Variants in UNC5A observed in about 807,000 individuals in gnomAD.
The protein encoded by UNC5A is unc-5 netrin receptor A, also known as netrin receptor UNC5A.
A neutral mutation model predicts 87.4 loss-of-function variants in UNC5A; 20 were observed. The observed-to-expected ratio is 0.23, with a 90% CI of 0.16 to 0.33. UNC5A has a LOEUF of 0.33. UNC5A is among the 10% of genes least tolerant of loss of function. The pLI is 1.00. For missense variants in UNC5A, 844 were observed against 1,133.4 expected (o/e 0.74, Z 3.67); for synonymous variants, 438 against 482.3 (o/e 0.91, Z 1.20).
rs1161609508 is a variant in UNC5A at position 176,877,534 on chromosome 5, G to A, written c.1467-1G>A. On this transcript the variant is annotated splice_acceptor_variant, in intron 9 of 14. Transcript: ENST00000329542. LOFTEE classifies it high-confidence loss of function. ...TCCCCACCCATATTTCCCCACTTGAGGTTGCCCCTAGCTGGCTGTCAGACC... is the reference window on the plus strand; with the variant it reads ...TCCCCACCCATATTTCCCCACTTGAAGTTGCCCCTAGCTGGCTGTCAGACC... The A allele has an allele frequency of 6.3e-7, 1 of 1,587,214 alleles. No homozygotes were observed. Among genetic ancestry groups the A allele is most frequent in the Admixed American group, 1.7e-5 (1 of 57,864 alleles).
Position 176,877,884 on chromosome 5 carries a change from C to T in UNC5A, c.1636-10C>T. The T allele has an allele frequency of 6.3e-7, 1 of 1,596,378 alleles. No individual in the cohort carries two copies. Among genetic ancestry groups the T allele is most frequent in the Middle Eastern group, 1.7e-4 (1 of 5,978 alleles). ...CTGGGCCGAATTGACCCACTGACCC[C>T]TGCCCACAGGATGTGCTGCACCTGG... On this transcript the variant is annotated splice_polypyrimidine_tract_variant and intron_variant, in intron 10 of 14. Transcript: ENST00000329542.
intron 1 of UNC5A, among the ~76,000 whole-genome samples, chr5:176,845,576 C>A (rs571594363): frequency 1.1e-3 from 160 of 152,340 alleles, no homozygotes; most frequent in Non-Finnish European, 1.8e-3. Flanking sequence ...ACAGAGCAAG[C>A]CTTCCAGAAA....
intron 2 of UNC5A, among the ~76,000 whole-genome samples, chr5:176,863,291 G>A (rs1457975619): frequency 2.0e-5 from 3 of 152,216 alleles, no homozygotes; most frequent in Non-Finnish European, 4.4e-5. Flanking sequence ...CCCAGGCAGG[G>A]GACACAGCCC....
chr5:176,850,663 C>G (rs1023043430), intron 1 of UNC5A, among the ~76,000 whole-genome samples: 18 of 152,302 alleles, frequency 1.2e-4, no homozygotes, highest in African/African-American at 4.1e-4. Flanking sequence ...CAAGGAGTGG[C>G]TGCATGTGCT....
At chr5:176,812,664 G>A (rs1756487784) in intron 1 of UNC5A, among the ~76,000 whole-genome samples, 1 of 152,186 alleles carries the variant, frequency 6.6e-6, no homozygotes, top group South Asian at 2.1e-4. Context: ...CTGGTTGGCA[G>A]GGCATCTGTT....
rs199988071 is a variant in UNC5A, at chr5:176,878,469, C to T, written c.2020-6C>T. Reference sequence around the variant, plus strand: ...ACCTGACACCTCCTCTCTGCATCCCCATCAGGAGATCCCCTTTTATCACAT... The same window carrying T: ...ACCTGACACCTCCTCTCTGCATCCCTATCAGGAGATCCCCTTTTATCACAT... On this transcript the variant is annotated splice_polypyrimidine_tract_variant and splice_region_variant and intron_variant, in intron 12 of 14. Coordinates refer to ENST00000329542, the MANE Select transcript of UNC5A (RefSeq NM_133369.3). 123 of 1,612,202 alleles carry T rather than the reference C, an allele frequency of 7.6e-5. No homozygotes were observed. The African/African-American group carries it at 1.4e-3, about 18-fold the overall frequency.
intron 1 of UNC5A, among the ~76,000 whole-genome samples, chr5:176,847,600 ATTACCCGT>A (rs1757442574): frequency 6.6e-6 from 1 of 151,838 alleles, no homozygotes; most frequent in Non-Finnish European, 1.5e-5. Context: ...CTCACTCCCA[ATTACCCGT>A]TTAGCTGCAG....
intron 1 of UNC5A, among the ~76,000 whole-genome samples, chr5:176,840,223 G>A (rs561183894): frequency 8.8e-4 from 134 of 152,280 alleles, no homozygotes; most frequent in African/African-American, 2.6e-3. Context: ...GGACTAGGAC[G>A]TGGTTGGGGA....
intron 1 of UNC5A, among the ~76,000 whole-genome samples, chr5:176,851,616 G>A (rs908395269): frequency 1.3e-5 from 2 of 152,220 alleles, no homozygotes; most frequent in Admixed American, 6.5e-5. Context: ...GGCGGGGCTG[G>A]CCATGGCGGG....
intron 1 of UNC5A, among the ~76,000 whole-genome samples, chr5:176,854,790 G>T (rs1368900221): frequency 6.6e-6 from 1 of 152,214 alleles, no homozygotes. Flanking sequence ...GGGGATGGGT[G>T]GTCCCTGCCC....
intron 1 of UNC5A, among the ~76,000 whole-genome samples, chr5:176,854,883 A>G (rs529028569): frequency 1.5e-4 from 23 of 152,344 alleles, no homozygotes; most frequent in Middle Eastern, 3.4e-3. Context: ...TGACTTCGGT[A>G]AGGGACTGTG....
Position 176,874,681 on chromosome 5 carries a change from G to A in UNC5A, c.1378+115G>A. Reference sequence around the variant, plus strand: ...TCCCGTGACAGATCAGCAAGGAAAGGGGGTGGAGTTTTGGGGAGAACCCAG... The same window carrying A: ...TCCCGTGACAGATCAGCAAGGAAAGAGGGTGGAGTTTTGGGGAGAACCCAG... On this transcript the variant is annotated intron_variant, in intron 8 of 14. Coordinates refer to ENST00000329542, the MANE Select transcript of UNC5A (RefSeq NM_133369.3). The surrounding 1 kb of genome is among the most constrained non-coding windows in gnomAD (Gnocchi z 7.6). The A allele has an allele frequency of 2.4e-6, 3 of 1,271,098 alleles. No individual in the cohort carries two copies. The highest frequency in any genetic ancestry group is 3.2e-6 in the Non-Finnish European group (3 of 944,966). The allele number at this position is 1,271,098 out of a possible 1,614,324, so 78.7% of individuals were successfully genotyped here.
In UNC5A at chr5:176,824,837, A is replaced by C; in HGVS notation, c.70+14017A>C. Among the ~76,000 whole-genome samples the C allele has an allele frequency of 1.7e-5, 2 of 120,312 alleles. No homozygotes were observed. The highest frequency in any genetic ancestry group is 9.4e-5 in the Admixed American group (1 of 10,636). 78.9% of individuals were successfully genotyped at this position (120,312 alleles called of 152,430 possible). ...ACCTTGTGTACTCTCTGTCCCAGGC[A>C]CTCTCACCACTCCGTATCCCCCACC... is the stretch of plus-strand genomic sequence containing the variant. On this transcript the variant is annotated intron_variant, in intron 1 of 14. Coordinates refer to ENST00000329542, the MANE Select transcript of UNC5A (RefSeq NM_133369.3). The surrounding 1 kb of genome is among the most constrained non-coding windows in gnomAD (Gnocchi z 4.2).
chr5:176,831,899 T>C (rs949168857), intron 1 of UNC5A, among the ~76,000 whole-genome samples: 5 of 141,224 alleles, frequency 3.5e-5, no homozygotes, highest in East Asian at 4.0e-4. Context: ...TTTTTTTTTT[T>C]TTTTTTTTTT....
intron 1 of UNC5A, among the ~76,000 whole-genome samples, chr5:176,828,247 T>G (rs1756903192): frequency 1.3e-5 from 2 of 152,244 alleles, no homozygotes; most frequent in African/African-American, 4.8e-5. Context: ...ACATTAACAT[T>G]TTCACATGAA....
At chr5:176,853,532 C>T (rs1044845800) in intron 1 of UNC5A, among the ~76,000 whole-genome samples, 9 of 152,218 alleles carry the variant, frequency 5.9e-5, no homozygotes, top group Admixed American at 2.0e-4. Flanking sequence ...GACTTTCCTC[C>T]GATCTCGGGG....
Position 176,879,739 on chromosome 5 carries a change from C to T in UNC5A, c.2382C>T (p.Ala794=), listed in dbSNP as rs1359767392. Residue 794 remains alanine, a synonymous_variant, in exon 15 of 15, where the codon GCC becomes GCT. Coordinates refer to ENST00000329542, the MANE Select transcript of UNC5A (RefSeq NM_133369.3). ...TCCACAGCCATCTCAGCTTCTTTGC[C>T]TCCAAGCCCAGCCCCACAGCCATGA... is the stretch of plus-strand genomic sequence containing the variant. The part of the protein sequence containing the change: ...LHLDSHLSFF[A]SKPSPTAMIL... 1.2e-6 allele frequency: 2 copies of T among 1,613,204 alleles called. No homozygotes were observed. The highest frequency in any genetic ancestry group is 1.1e-5 in the South Asian group (1 of 91,056).
rs138309002 is a variant in UNC5A, at chr5:176,837,983, A to G, written c.71-24641A>G. 4.6e-3 allele frequency among the ~76,000 whole-genome samples: 701 copies of G among 152,306 alleles called. 3 individuals carry two copies. Among genetic ancestry groups the G allele is most frequent in the South Asian group, 9.3e-3 (45 of 4,828 alleles). On this transcript the variant is annotated intron_variant, in intron 1 of 14. Coordinates refer to ENST00000329542, the MANE Select transcript of UNC5A (RefSeq NM_133369.3). ...CCATCCGCAGAAATTAATTGAGCAC[A>G]TATACATCCAGTCACTGTTGTGCAA...
At chr5:176,850,116 T>C (rs60878108) in intron 1 of UNC5A, among the ~76,000 whole-genome samples, 23,943 of 152,224 alleles carry the variant, frequency 0.16, 3,987 homozygotes, top group African/African-American at 0.42. Flanking sequence ...CCCCAGTCCC[T>C]GCCACACCAG....
Sources: gnomAD v4.1 joint callset for allele counts (sites outside exome capture counted in the v4.1 genomes callset) on GRCh38, gnomAD v4.1.1 for gene constraint, Gnocchi (gnomAD v3.1) non-coding constraint, MANE v1.5 for transcripts, NCBI Gene and HGNC (gene_info 2026-07-23, HGNC 2026-07-21) for gene names.